Variants in AOPEP observed in about 807,000 individuals in gnomAD.
The protein encoded by AOPEP is aminopeptidase O.
Under a neutral mutation model 98.1 loss-of-function variants are expected in AOPEP, and 77 were observed. That is an observed-to-expected ratio of 0.78 (90% CI 0.65 to 0.95). The LOEUF (loss-of-function observed/expected upper bound fraction) is 0.95, where lower values mean the gene tolerates loss of function less well. Ranked by LOEUF, AOPEP falls within the 40% of genes least tolerant of loss-of-function variation. The probability of loss-of-function intolerance (pLI) is 0.00; values close to 1 mark genes in which losing one functional copy is unlikely to be tolerated. For missense variants in AOPEP, 1,024 were observed against 1,024.7 expected, an observed-to-expected ratio of 1.00 and a Z score of 0.01; for synonymous variants, 346 against 365.3, an observed-to-expected ratio of 0.95 and a Z score of 0.60.
rs59594201 is a variant in AOPEP, at chr9:94,847,630, C to T, written c.1364+46628C>T. ...AGCTGCCAGGCAAGCAGCTGATTTCCTTTAATAAGATGAATCATTAATGGG... is the reference window on the plus strand; with the variant it reads ...AGCTGCCAGGCAAGCAGCTGATTTCTTTTAATAAGATGAATCATTAATGGG... On this transcript the variant is annotated intron_variant, in intron 5 of 16. Transcript: ENST00000375315. Among the ~76,000 whole-genome samples the T allele has an allele frequency of 6.6e-3, 1,011 of 152,274 alleles. 8 individuals carry two copies. The highest frequency in any genetic ancestry group is 0.023 in the African/African-American group (973 of 41,550).
chr9:94,918,481 C>T (rs2053135568), intron 5 of AOPEP, among the ~76,000 whole-genome samples: 1 of 152,112 alleles, frequency 6.6e-6, no homozygotes, highest in South Asian at 2.1e-4. Flanking sequence ...TGAGCTGGCA[C>T]AGAGGGACGG....
chr9:94,933,026 GAT>G, intron 7 of AOPEP: 3 of 985,406 alleles, frequency 3.0e-6, no homozygotes, highest in Non-Finnish European at 3.6e-6. Context: ...CTTTCCCACA[GAT>G]AAGACCCCAA....
chr9:94,804,570 G>A (rs1198550890), intron 5 of AOPEP, among the ~76,000 whole-genome samples: 1 of 152,164 alleles, frequency 6.6e-6, no homozygotes, highest in Non-Finnish European at 1.5e-5. Context: ...ACAGGTGACA[G>A]ATTGTTTGAG....
At chr9:95,140,317 C>G in the AOPEP span, among the ~76,000 whole-genome samples, 1 of 152,106 alleles carries the variant, frequency 6.6e-6, no homozygotes. Context: ...CAAAAGACAC[C>G]TCCTTGAGAT....
chr9:94,733,199 C>G (rs141918940), intron 1 of AOPEP, among the ~76,000 whole-genome samples: 1 of 151,488 alleles, frequency 6.6e-6, no homozygotes, highest in East Asian at 1.9e-4. Context: ...CTTAATCTCC[C>G]AGGCTCAAGC....
At chr9:94,871,857 G>A (rs2046383386) in intron 5 of AOPEP, among the ~76,000 whole-genome samples, 1 of 152,020 alleles carries the variant, frequency 6.6e-6, no homozygotes, top group Non-Finnish European at 1.5e-5. Context: ...AAATACTAAA[G>A]TTAACCAGGC....
chr9:95,086,508 G>A (rs963166377), intron 16 of AOPEP, 174 bp from the exon 17 acceptor site: 14 of 985,306 alleles, frequency 1.4e-5, no homozygotes, highest in East Asian at 1.1e-4. Context: ...GCAGGCCAGC[G>A]TCACACGGCT....
intron 1 of AOPEP, among the ~76,000 whole-genome samples, chr9:94,750,756 C>CTTTTTT (rs536762614): frequency 4.6e-5 from 6 of 130,906 alleles, no homozygotes; most frequent in Admixed American, 8.2e-5. Flanking sequence ...TCTTTTCTTT[C>CTTTTTT]TTTTTTTTTT....
rs544966281 is a variant in AOPEP at position 94,928,827 on chromosome 9, C to T, written c.1661+296C>T. ...CTTTACGTGGTGGCTGCGGATGTGG[C>T]GAGGGTTGGGGTTTGGCAGCCTGGC... On this transcript the variant is annotated intron_variant, in intron 7 of 16. Transcript: ENST00000375315. 6 of 286,876 alleles carry T rather than the reference C, an allele frequency of 2.1e-5. 1 individual carries two copies. The highest frequency in any genetic ancestry group is 5.2e-5 in the Admixed American group (1 of 19,120). The allele number at this position is 286,876 out of a possible 1,614,324, so 17.8% of individuals were successfully genotyped here.
At chr9:94,983,525 A>G (rs2060323404) in intron 11 of AOPEP, among the ~76,000 whole-genome samples, 1 of 152,186 alleles carries the variant, frequency 6.6e-6, no homozygotes, top group Admixed American at 6.5e-5. Flanking sequence ...AATGCCAAGT[A>G]AATCTTCCCA....
chr9:94,830,821 TC>T (rs1483066011), intron 5 of AOPEP, among the ~76,000 whole-genome samples: 1 of 152,232 alleles, frequency 6.6e-6, no homozygotes, highest in Non-Finnish European at 1.5e-5. Context: ...GAGCTTTTTT[TC>T]ATGTTTGTTG....
At chr9:95,005,026 C>T (rs1003292004) in intron 11 of AOPEP, 132 bp from the exon 12 acceptor site, 7 of 248,710 alleles carry the variant, frequency 2.8e-5, no homozygotes, top group African/African-American at 4.7e-5. Flanking sequence ...AGGGCGCGGG[C>T]TCCGGCGCCG....
At chr9:95,018,461 A>G (rs1340771952) in intron 13 of AOPEP, among the ~76,000 whole-genome samples, 1 of 152,188 alleles carries the variant, frequency 6.6e-6, no homozygotes, top group Non-Finnish European at 1.5e-5. Flanking sequence ...GTAAATGGGA[A>G]TCTAAATGTC....
Position 94,924,083 on chromosome 9 carries a change from C to G in AOPEP, c.1462C>G (p.Leu488Val). ...CHEIAHAWFGLAIGARDWTEE... is the reference protein window; with the variant it reads ...CHEIAHAWFGVAIGARDWTEE... ...TGAAATTGCCCATGCCTGGTTTGGC[C>G]TAGCCATCGGGGCCCGAGACTGGAC... The change falls in exon 6 of 17, where the codon CTA becomes GTA. Residue 488 changes from leucine (L) to valine (V), a missense_variant. Transcript: ENST00000375315. 1 of 1,522,874 alleles carries G rather than the reference C, an allele frequency of 6.6e-7. No individual in the cohort carries two copies. The highest frequency in any genetic ancestry group is 8.8e-7 in the Non-Finnish European group (1 of 1,132,428). The allele number at this position is 1,522,874 out of a possible 1,614,324, so 94.3% of individuals were successfully genotyped here. A position where few individuals can be genotyped will look rare whatever the true frequency, so the allele number is the denominator to read the frequency against.
At chr9:94,813,710 T>C (rs929868744) in intron 5 of AOPEP, among the ~76,000 whole-genome samples, 1 of 152,244 alleles carries the variant, frequency 6.6e-6, no homozygotes, top group Non-Finnish European at 1.5e-5. Context: ...CTATAGCTCT[T>C]GGCCTCTGAA....
At chr9:95,082,148 C>G (rs2069876299) in intron 15 of AOPEP, among the ~76,000 whole-genome samples, 1 of 152,118 alleles carries the variant, frequency 6.6e-6, no homozygotes, top group Non-Finnish European at 1.5e-5. Flanking sequence ...GAAGGACTTC[C>G]CGGATGAGCT....
In AOPEP at chr9:94,817,075, G is replaced by A. The variant is rs139657046; in HGVS notation, c.1364+16073G>A. ...AAGTGCAGTGGCACGATCATGGCTC[G>A]CTGCAGCCTCATCCTCCCAGGCTGA... On this transcript the variant is annotated intron_variant, in intron 5 of 16. Transcript: ENST00000375315. Among the ~76,000 whole-genome samples, 972 of 152,068 alleles carry A rather than the reference G, an allele frequency of 6.4e-3. 6 individuals are homozygous for A. Among genetic ancestry groups the A allele is most frequent in the African/African-American group, 0.023 (937 of 41,442 alleles).
chr9:95,057,896 TG>T (rs962239982), intron 13 of AOPEP, among the ~76,000 whole-genome samples: 18 of 152,152 alleles, frequency 1.2e-4, no homozygotes, highest in Admixed American at 5.9e-4. Flanking sequence ...TCGGGGGCCT[TG>T]TTTTAGGGGG....
chr9:95,018,538 C>T (rs1473658145), intron 13 of AOPEP, among the ~76,000 whole-genome samples: 1 of 152,176 alleles, frequency 6.6e-6, no homozygotes, highest in Non-Finnish European at 1.5e-5. Context: ...GTTGTAGCAA[C>T]CTGCTTTTGT....
Sources: allele counts gnomAD v4.1 joint callset (sites outside exome capture counted in the v4.1 genomes callset), GRCh38; gene constraint gnomAD v4.1.1; transcripts MANE v1.5; gene names NCBI Gene and HGNC (gene_info 2026-07-23, HGNC 2026-07-21).